NRXN3: variants seen among roughly 807,000 people sequenced by gnomAD.
NRXN3 encodes the protein neurexin 3, also known as neurexin III.
Under a neutral mutation model 137.6 loss-of-function variants are expected in NRXN3, and 32 were observed. The ratio of observed to expected loss-of-function variants is 0.23; its 90% CI spans 0.18 to 0.31. The LOEUF (loss-of-function observed/expected upper bound fraction) is 0.31. Ranked by LOEUF, NRXN3 falls within the 10% of genes least tolerant of loss-of-function variation. The pLI is 1.00. For synonymous variants in NRXN3, 798 were observed against 784.5 expected, an observed-to-expected ratio of 1.02 and a Z score of -0.29; for missense variants, 1,574 against 2,062.5, an observed-to-expected ratio of 0.76 and a Z score of 4.59.
At chr14:78,437,319 G>A (rs1447553780) in intron 4 of NRXN3, among the ~76,000 whole-genome samples, 1 of 147,122 alleles carries the variant, frequency 6.8e-6, no homozygotes, top group Admixed American at 6.7e-5. Context: ...TTATATGGTG[G>A]TTTATTTTTT....
intron 3 of NRXN3, among the ~76,000 whole-genome samples, chr14:78,280,469 C>T (rs2074251967): frequency 1.3e-5 from 2 of 152,226 alleles, no homozygotes; most frequent in South Asian, 2.1e-4. Context: ...TGGGAAACCT[C>T]AAGGAAGCGA....
intron 15 of NRXN3, among the ~76,000 whole-genome samples, chr14:78,991,846 G>A (rs552760952): frequency 6.6e-6 from 1 of 152,144 alleles, no homozygotes; most frequent in Non-Finnish European, 1.5e-5. Flanking sequence ...TGAGTACAGC[G>A]TACATTTTAA....
intron 15 of NRXN3, among the ~76,000 whole-genome samples, chr14:79,103,405 G>T (rs1049244637): frequency 2.6e-5 from 4 of 152,158 alleles, no homozygotes; most frequent in African/African-American, 9.7e-5. Flanking sequence ...TGAGGATGGT[G>T]CCATTACCCC....
intron 15 of NRXN3, among the ~76,000 whole-genome samples, chr14:79,252,418 C>T (rs914127312): frequency 1.3e-5 from 2 of 152,232 alleles, no homozygotes; most frequent in African/African-American, 4.8e-5. Flanking sequence ...AAAGAGTTTT[C>T]CTCTTCTTAT....
intron 12 of NRXN3, among the ~76,000 whole-genome samples, chr14:78,966,646 T>C (rs1005428000): frequency 6.6e-6 from 1 of 152,210 alleles, no homozygotes; most frequent in African/African-American, 2.4e-5. Flanking sequence ...TCCTATGAAA[T>C]GTAGCCCTTT....
At chr14:78,615,338 C>T (rs528301243) in intron 4 of NRXN3, among the ~76,000 whole-genome samples, 7 of 151,940 alleles carry the variant, frequency 4.6e-5, no homozygotes, top group African/African-American at 1.2e-4. Flanking sequence ...CGGTGGCTCA[C>T]GCCTATAATC....
At chr14:79,176,079 A>T (rs927659454) in intron 15 of NRXN3, among the ~76,000 whole-genome samples, 1 of 152,218 alleles carries the variant, frequency 6.6e-6, no homozygotes, top group Admixed American at 6.5e-5. Context: ...CACAGCAATT[A>T]CATGTCTGAT....
Position 78,966,414 on chromosome 14 carries a change from G to A in NRXN3, c.2777+8G>A, listed in dbSNP as rs2099417308. Reference sequence around the variant, plus strand: ...AGTCGAGCTTGTCAAGGGGTAAGTAGAAGGGATCACGACTTATGTTGGACA... The same window carrying A: ...AGTCGAGCTTGTCAAGGGGTAAGTAAAAGGGATCACGACTTATGTTGGACA... On this transcript the variant is annotated splice_region_variant and intron_variant, in intron 12 of 20. Transcript: ENST00000335750. 1 of 1,608,728 alleles carries A rather than the reference G, an allele frequency of 6.2e-7. No individual in the cohort carries two copies. Among genetic ancestry groups the A allele is most frequent in the Non-Finnish European group, 8.5e-7 (1 of 1,176,186 alleles).
chr14:79,008,283 A>G (rs2099558752), intron 15 of NRXN3, among the ~76,000 whole-genome samples: 1 of 152,238 alleles, frequency 6.6e-6, no homozygotes, highest in African/African-American at 2.4e-5. Flanking sequence ...AATTTCAAGC[A>G]AACATAAAGG....
At chr14:78,329,810 C>T (rs948082029) in intron 4 of NRXN3, among the ~76,000 whole-genome samples, 9 of 152,176 alleles carry the variant, frequency 5.9e-5, no homozygotes, top group African/African-American at 1.4e-4. Context: ...CTTGATTCGA[C>T]AAATGAAAGA....
intron 15 of NRXN3, among the ~76,000 whole-genome samples, chr14:79,163,406 A>G (rs2060987362): frequency 6.6e-6 from 1 of 152,020 alleles, no homozygotes; most frequent in Non-Finnish European, 1.5e-5. Context: ...TCTTAAGTAG[A>G]TTATTTACCA....
chr14:79,492,986 C>G (rs79036986), intron 16 of NRXN3, among the ~76,000 whole-genome samples: 1 of 152,244 alleles, frequency 6.6e-6, no homozygotes, highest in Non-Finnish European at 1.5e-5. Flanking sequence ...CCAACAGGAA[C>G]AGCAAAGTAT....
intron 19 of NRXN3, among the ~76,000 whole-genome samples, chr14:79,783,022 G>T (rs1348535962): frequency 6.6e-6 from 1 of 152,168 alleles, no homozygotes; most frequent in Non-Finnish European, 1.5e-5. Flanking sequence ...ATCTTCTCAG[G>T]TAAGGTCCCT....
chr14:78,624,443 AG>A (rs1194017635), intron 4 of NRXN3, among the ~76,000 whole-genome samples: 1 of 152,180 alleles, frequency 6.6e-6, no homozygotes, highest in Non-Finnish European at 1.5e-5. Context: ...AGATGGAAAA[AG>A]TTGTGCAGTG....
chr14:78,444,633 T>C (rs1314344161), intron 4 of NRXN3, among the ~76,000 whole-genome samples: 2 of 151,692 alleles, frequency 1.3e-5, no homozygotes, highest in Admixed American at 1.3e-4. Context: ...TTTGAAGGAG[T>C]GTTTGGCCAG....
chr14:78,284,078 T>TA (rs1247208597), intron 3 of NRXN3, among the ~76,000 whole-genome samples: 2 of 152,158 alleles, frequency 1.3e-5, no homozygotes, highest in Non-Finnish European at 2.9e-5. Flanking sequence ...TAGCCATATA[T>TA]AAAATAGCTA....
intron 7 of NRXN3, among the ~76,000 whole-genome samples, chr14:78,711,009 C>T (rs1256748853): frequency 1.3e-5 from 2 of 152,164 alleles, no homozygotes; most frequent in African/African-American, 2.4e-5. Context: ...CCCGCCACAC[C>T]CCCCATACTT....
chr14:78,752,533 C>T (rs1362355883), intron 8 of NRXN3, among the ~76,000 whole-genome samples: 1 of 152,196 alleles, frequency 6.6e-6, no homozygotes, highest in African/African-American at 2.4e-5. Flanking sequence ...TTAAGAAATT[C>T]ACAGGGAAGG....
chr14:78,731,754 A>T (rs1451429838), intron 8 of NRXN3, among the ~76,000 whole-genome samples: 1 of 151,770 alleles, frequency 6.6e-6, no homozygotes, highest in Admixed American at 6.6e-5. Flanking sequence ...ATGTAATTTT[A>T]TAAGTAATTA....
Sources: allele counts gnomAD v4.1 joint callset (sites outside exome capture counted in the v4.1 genomes callset), GRCh38; gene constraint gnomAD v4.1.1; transcripts MANE v1.5; gene names NCBI Gene and HGNC (gene_info 2026-07-23, HGNC 2026-07-21).